EYS: variants seen among roughly 807,000 people sequenced by gnomAD.
EYS encodes the protein EGF-like photoreceptor maintenance factor.
EYS carries 250 observed loss-of-function variants against 282.1 expected under a neutral mutation model. The ratio of observed to expected loss-of-function variants is 0.89; its 90% CI spans 0.80 to 0.98. The LOEUF (loss-of-function observed/expected upper bound fraction) is 0.98. EYS is among the 50% of genes least tolerant of loss of function. EYS has a pLI of 0.00. For missense variants in EYS, 4,016 were observed against 3,709.0 expected (o/e 1.08, Z -2.15); for synonymous variants, 1,355 against 1,282.9 (o/e 1.06, Z -1.20).
At chr6:65,121,489 T>G (rs1775549098) in intron 12 of EYS, among the ~76,000 whole-genome samples, 1 of 151,614 alleles carries the variant, frequency 6.6e-6, no homozygotes, top group African/African-American at 2.4e-5. Context: ...TCACTTCTTG[T>G]GTTTTCATGA....
At chr6:64,690,236 A>T (rs988906453) in intron 22 of EYS, among the ~76,000 whole-genome samples, 1 of 152,106 alleles carries the variant, frequency 6.6e-6, no homozygotes, top group African/African-American at 2.4e-5. Flanking sequence ...AATGCTCATC[A>T]TCACTGACCA....
At chr6:63,836,553 C>T (rs186805762) in intron 36 of EYS, among the ~76,000 whole-genome samples, 129 of 151,636 alleles carry the variant, frequency 8.5e-4, no homozygotes, top group African/African-American at 2.6e-3. Context: ...TAATGGTCAG[C>T]GGTAGAAAAA....
chr6:64,276,352 A>G (rs1353385935), intron 30 of EYS, among the ~76,000 whole-genome samples: 1 of 152,198 alleles, frequency 6.6e-6, no homozygotes, highest in Non-Finnish European at 1.5e-5. Context: ...TAAATGGGTT[A>G]AAATTAGAAA....
chr6:64,426,578 G>GA (rs1341305015), intron 28 of EYS, among the ~76,000 whole-genome samples: 1 of 151,728 alleles, frequency 6.6e-6, no homozygotes, highest in East Asian at 1.9e-4. Context: ...TCAGCAGAGA[G>GA]AAAAAGATGG....
chr6:65,239,364 A>G (rs1208499140), intron 12 of EYS, among the ~76,000 whole-genome samples: 1 of 152,108 alleles, frequency 6.6e-6, no homozygotes, highest in Non-Finnish European at 1.5e-5. Context: ...TTACAAAAAT[A>G]TCTTGGTACA....
At position 64,649,391 on chromosome 6, in the gene EYS, C is replaced by A. The variant is rs553342756; in HGVS notation, c.3444-23146G>T. Among the ~76,000 whole-genome samples the A allele has an allele frequency of 4.0e-5, 6 of 151,680 alleles. No individual in the cohort carries two copies. In the East Asian group the frequency reaches 9.7e-4, roughly 25 times the overall value. ...TTGCTCTGTCACCCAGGCTGGGGTGCAGTGCCACGATCTCAGCTCACTGCA... is the reference window on the plus strand; with the variant it reads ...TTGCTCTGTCACCCAGGCTGGGGTGAAGTGCCACGATCTCAGCTCACTGCA... On this transcript the variant is annotated intron_variant, in intron 22 of 42. Transcript: ENST00000503581.
intron 22 of EYS, among the ~76,000 whole-genome samples, chr6:64,684,111 TAAAGA>T (rs1347501108): frequency 6.6e-6 from 1 of 152,134 alleles, no homozygotes; most frequent in East Asian, 1.9e-4. Context: ...TCTTAAGAGA[TAAAGA>T]AAATATCTTA....
chr6:65,349,445 T>C (rs934841332), intron 9 of EYS, among the ~76,000 whole-genome samples: 2 of 151,462 alleles, frequency 1.3e-5, no homozygotes, highest in African/African-American at 4.8e-5. Context: ...ATATGAAGAG[T>C]TGAAATCTTT....
intron 33 of EYS, among the ~76,000 whole-genome samples, chr6:64,030,165 G>T (rs1769751219): frequency 6.6e-6 from 1 of 152,088 alleles, no homozygotes; most frequent in Admixed American, 6.5e-5. Flanking sequence ...GTCAGAAACA[G>T]AGACAAAGAA....
At chr6:64,897,689 A>G (rs1426652533) in intron 18 of EYS, among the ~76,000 whole-genome samples, 1 of 152,214 alleles carries the variant, frequency 6.6e-6, no homozygotes, top group Non-Finnish European at 1.5e-5. Flanking sequence ...ACCCAATGCA[A>G]GGAAGCTAAG....
At chr6:65,089,419 A>T (rs920714006) in intron 12 of EYS, among the ~76,000 whole-genome samples, 10 of 152,160 alleles carry the variant, frequency 6.6e-5, no homozygotes, top group Non-Finnish European at 1.3e-4. Flanking sequence ...TAGTTTTGGA[A>T]CTTAAAGGTT....
rs183721658 is a variant in EYS at position 64,104,112 on chromosome 6, A to G, written c.6425-22110T>C. Among the ~76,000 whole-genome samples the G allele has an allele frequency of 2.0e-5, 3 of 152,270 alleles. No homozygotes were observed. In the East Asian group the frequency reaches 5.8e-4, roughly 29 times the overall value. ...TGGAAATAATCAGTAGGTGGTTTCA[A>G]ATATGGAAGAAATGAGAGCTGGACA... On this transcript the variant is annotated intron_variant, in intron 31 of 42. Transcript: ENST00000503581.
At chr6:63,947,878 GGTCATGACATAAC>G (rs1388907456) in intron 35 of EYS, among the ~76,000 whole-genome samples, 1 of 152,102 alleles carries the variant, frequency 6.6e-6, no homozygotes, top group East Asian at 1.9e-4. Flanking sequence ...TCATACTGAA[GGTCATGACATAAC>G]GTTATTCATT....
At chr6:65,162,025 T>C (rs1001789236) in intron 12 of EYS, among the ~76,000 whole-genome samples, 3 of 151,302 alleles carry the variant, frequency 2.0e-5, no homozygotes, top group Admixed American at 1.3e-4. Flanking sequence ...TATGGTTAAC[T>C]ATTAAACATC....
chr6:64,688,886 A>C (rs560724557), intron 22 of EYS, among the ~76,000 whole-genome samples: 2 of 152,136 alleles, frequency 1.3e-5, no homozygotes, highest in African/African-American at 4.8e-5. Context: ...CAAAAACTGG[A>C]AGCATTCCCT....
chr6:65,064,360 G>GAT (rs1330118868), intron 12 of EYS, among the ~76,000 whole-genome samples: 2 of 140,854 alleles, frequency 1.4e-5, no homozygotes, highest in East Asian at 2.1e-4. Context: ...TATAGTATAT[G>GAT]ATATATATAC....
rs547362773 is a variant in EYS at position 65,494,584 on chromosome 6, A to G, written c.748+79T>C. The G allele has an allele frequency of 3.6e-5, 47 of 1,318,312 alleles. No homozygotes were observed. In the South Asian group the frequency reaches 6.3e-4, roughly 18 times the overall value. 81.7% of individuals were successfully genotyped at this position (1,318,312 alleles called of 1,614,324 possible). On this transcript the variant is annotated intron_variant, in intron 4 of 42. Transcript: ENST00000503581. ...GTGTGAGCCACCGCATTTAAAATGTACTTTGATTTCTGTTAACAGTTTATA... is the reference window on the plus strand; with the variant it reads ...GTGTGAGCCACCGCATTTAAAATGTGCTTTGATTTCTGTTAACAGTTTATA...
intron 36 of EYS, among the ~76,000 whole-genome samples, chr6:63,807,340 C>T (rs1313416392): frequency 6.6e-6 from 1 of 152,080 alleles, no homozygotes; most frequent in Non-Finnish European, 1.5e-5. Flanking sequence ...TGTTGGAACT[C>T]CAGGGAAGCT....
At chr6:64,801,334 A>G (rs1340417816) in intron 22 of EYS, among the ~76,000 whole-genome samples, 1 of 152,202 alleles carries the variant, frequency 6.6e-6, no homozygotes, top group East Asian at 1.9e-4. Context: ...TAACTCAAAT[A>G]CAGATTAAAA....
Sources: allele counts gnomAD v4.1 joint callset (sites outside exome capture counted in the v4.1 genomes callset), GRCh38; gene constraint gnomAD v4.1.1; transcripts MANE v1.5; gene names NCBI Gene and HGNC (gene_info 2026-07-23, HGNC 2026-07-21).